PRIMPOL: variants seen among roughly 807,000 people sequenced by gnomAD.
The protein encoded by PRIMPOL is DNA-directed primase/polymerase protein.
In PRIMPOL, 54 loss-of-function variants were observed where a neutral mutation model predicts 63.6. That is an observed-to-expected ratio of 0.85 (90% CI 0.68 to 1.07). The LOEUF (loss-of-function observed/expected upper bound fraction) is 1.07. Ranked by LOEUF, PRIMPOL falls within the 50% of genes least tolerant of loss-of-function variation. The pLI is 0.00. For missense variants in PRIMPOL, 610 were observed against 648.3 expected, an observed-to-expected ratio of 0.94 and a Z score of 0.64; for synonymous variants, 197 against 220.2, an observed-to-expected ratio of 0.89 and a Z score of 0.93.
chr4:184,688,660 A>G (rs544991501), intron 11 of PRIMPOL, among the ~76,000 whole-genome samples: 1 of 152,334 alleles, frequency 6.6e-6, no homozygotes, highest in East Asian at 1.9e-4. Context: ...AATCACCTGC[A>G]TTTTACACTC....
At chr4:184,687,430 GC>G (rs1467160599) in intron 11 of PRIMPOL, among the ~76,000 whole-genome samples, 2 of 151,860 alleles carry the variant, frequency 1.3e-5, no homozygotes, top group Non-Finnish European at 2.9e-5. Flanking sequence ...TGTATCTGCC[GC>G]CCACCTTAAC....
rs182863753 is a variant in PRIMPOL at position 184,688,276 on chromosome 4, G to C, written c.1295+2592G>C. 2.0e-3 allele frequency among the ~76,000 whole-genome samples: 310 copies of C among 152,262 alleles called. 1 individual carries two copies. The highest frequency in any genetic ancestry group is 6.8e-3 in the African/African-American group (283 of 41,540). ...AATGGGTGTGCCAGTTTATAGTCCTGCCAGCAGTGTTTTGAGATTTTTCTA... is the reference window on the plus strand; with the variant it reads ...AATGGGTGTGCCAGTTTATAGTCCTCCCAGCAGTGTTTTGAGATTTTTCTA... On this transcript the variant is annotated intron_variant, in intron 11 of 13. Transcript: ENST00000314970.
intron 8 of PRIMPOL, among the ~76,000 whole-genome samples, chr4:184,681,242 C>T (rs1370792033): frequency 6.6e-6 from 1 of 152,112 alleles, no homozygotes; most frequent in Non-Finnish European, 1.5e-5. Context: ...ACCCCTCCTT[C>T]TTTCTTCATT....
At chr4:184,691,029 A>G (rs1293039093) in intron 11 of PRIMPOL, among the ~76,000 whole-genome samples, 2 of 152,264 alleles carry the variant, frequency 1.3e-5, no homozygotes, top group East Asian at 3.8e-4. Context: ...AATTGGTTTT[A>G]TAAAGAACTG....
intron 13 of PRIMPOL, among the ~76,000 whole-genome samples, chr4:184,692,519 A>G (rs1758978138): frequency 6.6e-6 from 1 of 151,842 alleles, no homozygotes; most frequent in African/African-American, 2.4e-5. Flanking sequence ...AAATTAGGAA[A>G]TACACAAGAA....
At chr4:184,665,375 A>G (rs920778137) in intron 5 of PRIMPOL, among the ~76,000 whole-genome samples, 3 of 151,788 alleles carry the variant, frequency 2.0e-5, no homozygotes, top group Non-Finnish European at 4.4e-5. Flanking sequence ...CTGCCTTTCT[A>G]TTGTGCATGG....
rs1444916536 is a variant in PRIMPOL, at chr4:184,655,588, G to A, written c.-59-1494G>A. Among the ~76,000 whole-genome samples, 3 of 152,268 alleles carry A rather than the reference G, an allele frequency of 2.0e-5. No homozygotes were observed. In the East Asian group the frequency reaches 5.8e-4, roughly 29 times the overall value. ...ACCCGCCTCAGCGTCCCAAAGTGCTGGGAATACAGGCAGGAGCCACCGCGC... is the reference window on the plus strand; with the variant it reads ...ACCCGCCTCAGCGTCCCAAAGTGCTAGGAATACAGGCAGGAGCCACCGCGC... On this transcript the variant is annotated intron_variant, in intron 2 of 13. Transcript: ENST00000314970.
At chr4:184,686,707 G>A (rs373682847) in intron 11 of PRIMPOL, among the ~76,000 whole-genome samples, 11 of 152,040 alleles carry the variant, frequency 7.2e-5, no homozygotes, top group African/African-American at 2.4e-4. Context: ...AAGCATATGC[G>A]GCCTGTGTGC....
At chr4:184,682,047 T>C (rs570869870) in intron 8 of PRIMPOL, among the ~76,000 whole-genome samples, 1 of 152,350 alleles carries the variant, frequency 6.6e-6, no homozygotes, top group South Asian at 2.1e-4. Context: ...TTATTTTCTT[T>C]AATTGACAAA....
rs1746705950 is a variant in PRIMPOL, at chr4:184,657,215, C to T, written c.75C>T (p.Ser25=). 6.8e-6 allele frequency: 11 copies of T among 1,613,316 alleles called. No homozygotes were observed. The highest frequency in any genetic ancestry group is 9.3e-6 in the Non-Finnish European group (11 of 1,179,744). ...CTCATTATGAGAGGAAACCGTTGTC[C>T]TCAGTGTATAGACCAAGATTGTCCA... The part of the protein sequence containing the change: ...RASHYERKPL[S]SVYRPRLSKP... Residue 25 remains serine (S), a synonymous_variant, in exon 3 of 14, where the codon TCC becomes TCT. Coordinates refer to ENST00000314970, the MANE Select transcript of PRIMPOL (RefSeq NM_152683.4).
At chr4:184,659,622 G>T (rs1747694368) in intron 4 of PRIMPOL, among the ~76,000 whole-genome samples, 185 bp downstream of exon 4, 1 of 152,116 alleles carries the variant, frequency 6.6e-6, no homozygotes, top group African/African-American at 2.4e-5. Flanking sequence ...ACCAGGTGCT[G>T]GGAGAAAATA....
rs747444385 is a variant in PRIMPOL at position 184,685,431 on chromosome 4, G to A, written c.1119G>A (p.Gln373=). Residue 373 remains glutamine (Q), a synonymous_variant, in exon 10 of 14, where the codon CAG becomes CAA. Coordinates refer to ENST00000314970, the MANE Select transcript of PRIMPOL (RefSeq NM_152683.4). The part of the protein sequence containing the change: ...GTSVETIEGF[Q]CSPYPEVDHF... ...CAGTAGAAACCATTGAAGGTTTTCA[G>A]TGTTCTCCCTATCCTGAAGTTGATC... 1.9e-6 allele frequency: 3 copies of A among 1,611,762 alleles called. No individual in the cohort carries two copies. The highest frequency in any genetic ancestry group is 2.7e-5 in the African/African-American group (2 of 74,880).
At chr4:184,672,582 C>A in intron 7 of PRIMPOL, 122 bp downstream of exon 7, 3 of 931,946 alleles carry the variant, frequency 3.2e-6, no homozygotes, top group Non-Finnish European at 4.9e-6. Flanking sequence ...GTCGCCAGCA[C>A]GATGCAACCA....
intron 2 of PRIMPOL, among the ~76,000 whole-genome samples, chr4:184,655,665 A>G (rs990192702): frequency 1.3e-5 from 2 of 152,190 alleles, no homozygotes; most frequent in African/African-American, 4.8e-5. Flanking sequence ...CTTCCAGGAA[A>G]TACTCATTTG....
intron 7 of PRIMPOL, among the ~76,000 whole-genome samples, chr4:184,673,744 G>A (rs1752557518): frequency 6.6e-6 from 1 of 152,168 alleles, no homozygotes; most frequent in South Asian, 2.1e-4. Flanking sequence ...TTTTGCTGTT[G>A]GCTGTGAACA....
At chr4:184,684,805 T>C (rs1353114830) in intron 9 of PRIMPOL, among the ~76,000 whole-genome samples, 1 of 152,072 alleles carries the variant, frequency 6.6e-6, no homozygotes, top group Non-Finnish European at 1.5e-5. Flanking sequence ...TTAGTAAAGC[T>C]TAACTGAAAG....
rs1312901388 is a variant in PRIMPOL, at chr4:184,689,491, C to T, written c.1296-2008C>T. Among the ~76,000 whole-genome samples, 11 of 140,786 alleles carry T rather than the reference C, an allele frequency of 7.8e-5. No individual in the cohort carries two copies. In the South Asian group the frequency reaches 2.5e-3, roughly 32 times the overall value. 92.4% of individuals were successfully genotyped at this position (140,786 alleles called of 152,430 possible). On this transcript the variant is annotated intron_variant, in intron 11 of 13. Coordinates refer to ENST00000314970, the MANE Select transcript of PRIMPOL (RefSeq NM_152683.4). ...TTTTTGAGATGGAGTCTTGCTCTGT[C>T]ACCCAGGCTGAAGTGCAGTGGTGCA...
At position 184,694,838 on chromosome 4, in the gene PRIMPOL, T is replaced by A; in HGVS notation, c.*59T>A. On this transcript the variant is annotated 3_prime_UTR_variant, in exon 14 of 14. Coordinates refer to ENST00000314970, the MANE Select transcript of PRIMPOL (RefSeq NM_152683.4). ...ATAATTTGCCTGATGTCTGTGAGAT[T>A]TGATAAATATATCATTCAACCTGTT... 2.2e-6 allele frequency: 3 copies of A among 1,379,992 alleles called. No homozygotes were observed. Among genetic ancestry groups the A allele is most frequent in the Non-Finnish European group, 3.0e-6 (3 of 988,046 alleles). The allele number at this position is 1,379,992 out of a possible 1,614,324, so 85.5% of individuals were successfully genotyped here.
At chr4:184,662,150 C>G (rs1748536456) in intron 5 of PRIMPOL, among the ~76,000 whole-genome samples, 1 of 152,110 alleles carries the variant, frequency 6.6e-6, no homozygotes, top group African/African-American at 2.4e-5. Flanking sequence ...AAAAAGATGT[C>G]AGTTTGAAAA....
Sources: allele counts gnomAD v4.1 joint callset (sites outside exome capture counted in the v4.1 genomes callset), GRCh38; gene constraint gnomAD v4.1.1; transcripts MANE v1.5; gene names NCBI Gene and HGNC (gene_info 2026-07-23, HGNC 2026-07-21).